The following ADTRP variants were observed in gnomAD, a reference collection of about 807,000 sequenced individuals.
ADTRP encodes the protein androgen-dependent TFPI-regulating protein.
A neutral mutation model predicts 27.0 loss-of-function variants in ADTRP; 20 were observed. The observed-to-expected ratio is 0.74, with a 90% confidence interval of 0.52 to 1.08. ADTRP has a LOEUF of 1.08. ADTRP is among the 50% of genes least tolerant of loss of function. The pLI, the probability that ADTRP is intolerant of heterozygous loss-of-function variation, is 0.00. For missense variants in ADTRP, 251 were observed against 275.0 expected (o/e 0.91, Z 0.62); for synonymous variants, 101 against 105.2 (o/e 0.96, Z 0.25).
intron 4 of ADTRP, among the ~76,000 whole-genome samples, chr6:11,734,554 GA>G (rs1201100483): frequency 2.0e-5 from 3 of 152,180 alleles, no homozygotes; most frequent in Non-Finnish European, 4.4e-5. Context: ...GAGGGGCACA[GA>G]AAGGTGGGAG....
intron 3 of ADTRP, among the ~76,000 whole-genome samples, chr6:11,760,775 C>T (rs1438981506): frequency 1.3e-5 from 2 of 152,140 alleles, no homozygotes; most frequent in East Asian, 3.8e-4. Flanking sequence ...CAATTGATTT[C>T]CTTATTCACA....
intron 3 of ADTRP, among the ~76,000 whole-genome samples, chr6:11,765,156 G>A (rs1055265906): frequency 9.2e-5 from 14 of 151,924 alleles, no homozygotes; most frequent in Non-Finnish European, 2.1e-4. Context: ...GGAGACTGGG[G>A]CTTGTGGCAG....
At chr6:11,750,781 CTT>C (rs1763020382) in intron 3 of ADTRP, among the ~76,000 whole-genome samples, 3 of 152,180 alleles carry the variant, frequency 2.0e-5, no homozygotes, top group Admixed American at 6.5e-5. Flanking sequence ...ATTTTAGAAA[CTT>C]TGCATTTTCC....
At chr6:11,746,939 G>C (rs1389304292) in intron 3 of ADTRP, among the ~76,000 whole-genome samples, 1 of 152,178 alleles carries the variant, frequency 6.6e-6, no homozygotes, top group African/African-American at 2.4e-5. Flanking sequence ...GGTCAGCATA[G>C]AGATGCTCCC....
intron 2 of ADTRP, among the ~76,000 whole-genome samples, chr6:11,767,249 C>G (rs1452850880): frequency 2.0e-5 from 3 of 152,156 alleles, no homozygotes; most frequent in Admixed American, 2.0e-4. Context: ...AGGAGGATCA[C>G]TTGAGCCTGG....
At chr6:11,770,139 A>G (rs923926951) in intron 1 of ADTRP, 1 of 1,498,918 alleles carries the variant, frequency 6.7e-7, no homozygotes, top group African/African-American at 1.4e-5. Context: ...AGTTCAGATA[A>G]AGCATTGTGG....
At chr6:11,760,323 G>A (rs1030518739) in intron 3 of ADTRP, among the ~76,000 whole-genome samples, 2 of 152,144 alleles carry the variant, frequency 1.3e-5, no homozygotes, top group African/African-American at 4.8e-5. Flanking sequence ...CAGTGGAAAG[G>A]TCTGACTCGA....
chr6:11,773,589 G>A (rs988819282), intron 1 of ADTRP, among the ~76,000 whole-genome samples: 3 of 152,228 alleles, frequency 2.0e-5, no homozygotes, highest in Non-Finnish European at 4.4e-5. Flanking sequence ...CCCTTCTGCT[G>A]AGGGCAATTC....
At chr6:11,768,145 G>A (rs1763635901) in intron 2 of ADTRP, 104 bp downstream of exon 2, 3 of 1,386,788 alleles carry the variant, frequency 2.2e-6, no homozygotes, top group Non-Finnish European at 3.0e-6. Context: ...AATGCAGTGG[G>A]TGTGGTTTCC....
intron 3 of ADTRP, among the ~76,000 whole-genome samples, chr6:11,748,658 A>G (rs916193960): frequency 9.2e-5 from 14 of 152,248 alleles, no homozygotes; most frequent in Admixed American, 4.6e-4. Flanking sequence ...CACGTACTTC[A>G]TGGAAGGCAG....
At position 11,716,719 on chromosome 6, in the gene ADTRP, C is replaced by CTTTTTCTTTT. The variant is rs200468981; in HGVS notation, c.659-2208_659-2207insAAAAGAAAAA. On this transcript the variant is annotated intron_variant, in intron 5 of 5. Coordinates refer to ENST00000414691, the MANE Select transcript of ADTRP (RefSeq NM_032744.4). ...CCATGCTTTTTTTCTTTTTCTTTTTCTTTTTTTTTTTTTGAGACAGGGTCT... is the reference window on the plus strand; with the variant it reads ...CCATGCTTTTTTTCTTTTTCTTTTTCTTTTTCTTTTTTTTTTTTTTTTTGAGACAGGGTCT... 2.2e-3 allele frequency among the ~76,000 whole-genome samples: 272 copies of CTTTTTCTTTT among 125,410 alleles called. 5 individuals are homozygous for CTTTTTCTTTT. Among genetic ancestry groups the CTTTTTCTTTT allele is most frequent in the Non-Finnish European group, 2.9e-3 (175 of 61,250 alleles). 82.3% of individuals were successfully genotyped at this position (125,410 alleles called of 152,430 possible). A position where few individuals can be genotyped will look rare whatever the true frequency, so the allele number is the denominator to read the frequency against.
At chr6:11,758,026 T>C (rs1307645344) in intron 3 of ADTRP, among the ~76,000 whole-genome samples, 1 of 152,206 alleles carries the variant, frequency 6.6e-6, no homozygotes, top group African/African-American at 2.4e-5. Flanking sequence ...TTCCTCATAC[T>C]TGGACATCAC....
intron 4 of ADTRP, among the ~76,000 whole-genome samples, chr6:11,728,731 C>T (rs935659828): frequency 1.3e-5 from 2 of 152,142 alleles, no homozygotes; most frequent in Admixed American, 1.3e-4. Flanking sequence ...TTGCCAAGTG[C>T]CCAAAATGCA....
At chr6:11,733,022 C>G (rs1027421492) in intron 4 of ADTRP, among the ~76,000 whole-genome samples, 1 of 152,202 alleles carries the variant, frequency 6.6e-6, no homozygotes, top group African/African-American at 2.4e-5. Flanking sequence ...CTTTGCATCT[C>G]TACCCCACCT....
intron 1 of ADTRP, 66 bp from the exon 2 acceptor site, chr6:11,768,449 A>AGTTTTCCATCAGTG: frequency 6.3e-7 from 1 of 1,585,912 alleles, no homozygotes; most frequent in Non-Finnish European, 8.6e-7. Flanking sequence ...TCACTGATGG[A>AGTTTTCCATCAGTG]AAACTCCATC....
At chr6:11,755,626 T>C (rs1763191770) in intron 3 of ADTRP, among the ~76,000 whole-genome samples, 1 of 152,254 alleles carries the variant, frequency 6.6e-6, no homozygotes, top group South Asian at 2.1e-4. Flanking sequence ...AGCTTCTGAT[T>C]TCACTGTGGC....
At chr6:11,746,669 G>A (rs534320872) in intron 3 of ADTRP, among the ~76,000 whole-genome samples, 63 of 152,314 alleles carry the variant, frequency 4.1e-4, no homozygotes, top group African/African-American at 1.4e-3. Context: ...AGGAAAAGAG[G>A]GAAAGAACTA....
At chr6:11,764,757 C>T in intron 3 of ADTRP, among the ~76,000 whole-genome samples, 1 of 152,004 alleles carries the variant, frequency 6.6e-6, no homozygotes, top group East Asian at 1.9e-4. Flanking sequence ...CATCACTTAT[C>T]CTCTCTGAGC....
chr6:11,727,913 A>AGAAGGAAG (rs60955508), intron 4 of ADTRP, among the ~76,000 whole-genome samples: 2 of 134,818 alleles, frequency 1.5e-5, no homozygotes, highest in Non-Finnish European at 3.2e-5. Flanking sequence ...AGGGGAAAGA[A>AGAAGGAAG]GAAGGAAGGA....
Sources: allele counts gnomAD v4.1 joint callset (sites outside exome capture counted in the v4.1 genomes callset), GRCh38; gene constraint gnomAD v4.1.1; transcripts MANE v1.5; gene names NCBI Gene and HGNC (gene_info 2026-07-23, HGNC 2026-07-21).